EXOC4: variants seen among roughly 807,000 people sequenced by gnomAD.
EXOC4 encodes SEC8-like 1.
In EXOC4, 71 loss-of-function variants were observed where a neutral mutation model predicts 107.2. The ratio of observed to expected loss-of-function variants is 0.66; its 90% CI spans 0.55 to 0.81. EXOC4 has a LOEUF of 0.81. EXOC4 is among the 30% of genes least tolerant of loss of function. The probability of loss-of-function intolerance (pLI) is 0.00; values close to 1 mark genes in which losing one functional copy is unlikely to be tolerated. For missense variants in EXOC4, 1,108 were observed against 1,189.6 expected (o/e 0.93, Z 1.01); for synonymous variants, 456 against 441.2 (o/e 1.03, Z -0.42).
rs935262676 is a variant in EXOC4 at position 133,895,706 on chromosome 7, G to T, written c.1842G>T (p.Glu614Asp). The change falls in exon 12 of 18, where the codon GAG becomes GAT. Residue 614 changes from glutamate to aspartate, a missense_variant. Coordinates refer to ENST00000253861, the MANE Select transcript of EXOC4 (RefSeq NM_021807.4). ...ACATGGTGTGCGTGAAGCTCCAGGAGTACAAGGACACCTGCACTGCAGCTT... is the reference window on the plus strand; with the variant it reads ...ACATGGTGTGCGTGAAGCTCCAGGATTACAAGGACACCTGCACTGCAGCTT... ...FLNMVCVKLQ[E>D]YKDTCTAAYR... is the part of the protein sequence containing the mutation. The T allele has an allele frequency of 6.2e-7, 1 of 1,614,162 alleles. No homozygotes were observed. The highest frequency in any genetic ancestry group is 1.1e-5 in the South Asian group (1 of 91,084).
chr7:133,308,283 G>A (rs1794797681), intron 4 of EXOC4, among the ~76,000 whole-genome samples: 1 of 152,140 alleles, frequency 6.6e-6, no homozygotes, highest in Admixed American at 6.5e-5. Context: ...CCTAATCCCT[G>A]GTACCTCAGA....
intron 5 of EXOC4, among the ~76,000 whole-genome samples, chr7:133,335,090 G>A (rs991011440): frequency 2.6e-5 from 4 of 152,316 alleles, no homozygotes; most frequent in Non-Finnish European, 2.9e-5. Context: ...TAACATGCAC[G>A]TGCATTTTCA....
At chr7:133,844,410 A>C (rs1416169818) in intron 11 of EXOC4, among the ~76,000 whole-genome samples, 23 of 23,670 alleles carry the variant, frequency 9.7e-4, no homozygotes, top group East Asian at 1.5e-3. Flanking sequence ...TTTTTTTTTG[A>C]GATGGAGTCT....
At chr7:133,755,845 G>A (rs1795905848) in intron 10 of EXOC4, among the ~76,000 whole-genome samples, 1 of 152,080 alleles carries the variant, frequency 6.6e-6, no homozygotes, top group South Asian at 2.1e-4. Flanking sequence ...CTAGTGTCAA[G>A]GTGTAATCTT....
chr7:134,060,043 A>T (rs1796020743), intron 17 of EXOC4, among the ~76,000 whole-genome samples: 1 of 152,216 alleles, frequency 6.6e-6, no homozygotes, highest in Admixed American at 6.5e-5. Flanking sequence ...AAAGCCACAG[A>T]GAACAGTCTG....
chr7:133,784,317 A>G (rs1318844064), intron 10 of EXOC4, among the ~76,000 whole-genome samples: 1 of 152,130 alleles, frequency 6.6e-6, no homozygotes, highest in Non-Finnish European at 1.5e-5. Flanking sequence ...TAATCTGATC[A>G]CTCTAATTGA....
At chr7:134,041,069 C>T (rs988071694) in intron 17 of EXOC4, among the ~76,000 whole-genome samples, 1 of 152,218 alleles carries the variant, frequency 6.6e-6, no homozygotes, top group African/African-American at 2.4e-5. Context: ...ATAGCCTCCT[C>T]TCCCCATGAT....
intron 14 of EXOC4, among the ~76,000 whole-genome samples, chr7:133,982,427 T>C (rs1438185073): frequency 6.6e-6 from 1 of 151,948 alleles, no homozygotes; most frequent in African/African-American, 2.4e-5. Context: ...TGGCGGGTGC[T>C]TGTAGTCCCA....
At chr7:133,295,396 T>A (rs1794496878) in intron 3 of EXOC4, among the ~76,000 whole-genome samples, 1 of 152,162 alleles carries the variant, frequency 6.6e-6, no homozygotes, top group Non-Finnish European at 1.5e-5. Context: ...TTACTCGGCT[T>A]ACATTAAAAA....
At chr7:133,732,107 A>C (rs940587002) in intron 10 of EXOC4, among the ~76,000 whole-genome samples, 1 of 152,218 alleles carries the variant, frequency 6.6e-6, no homozygotes, top group African/African-American at 2.4e-5. Context: ...AATACTGTGC[A>C]GTCATAAAAA....
downstream of EXOC4, among the ~76,000 whole-genome samples, chr7:134,068,849 A>G (rs1796223979): frequency 6.6e-6 from 1 of 152,234 alleles, no homozygotes; most frequent in African/African-American, 2.4e-5. Flanking sequence ...CTTACTGTCA[A>G]GTCATATCCG....
chr7:133,842,448 C>G (rs1798042042), intron 11 of EXOC4, among the ~76,000 whole-genome samples: 2 of 152,128 alleles, frequency 1.3e-5, no homozygotes, highest in African/African-American at 4.8e-5. Flanking sequence ...TGTATGTGTA[C>G]TTTCAAAAAG....
chr7:134,041,668 A>G (rs1428583841), intron 17 of EXOC4, among the ~76,000 whole-genome samples: 1 of 152,230 alleles, frequency 6.6e-6, no homozygotes, highest in African/African-American at 2.4e-5. Flanking sequence ...TATAGAACTA[A>G]TTAAAGATTT....
intron 13 of EXOC4, among the ~76,000 whole-genome samples, chr7:133,923,067 A>G (rs1799974244): frequency 6.6e-6 from 1 of 151,022 alleles, no homozygotes; most frequent in Non-Finnish European, 1.5e-5. Context: ...TACAGTATGC[A>G]TATGTTGAGT....
the EXOC4 span, among the ~76,000 whole-genome samples, chr7:134,089,625 A>G: frequency 6.6e-6 from 1 of 151,952 alleles, no homozygotes; most frequent in South Asian, 2.1e-4. Context: ...AATCACCTTT[A>G]AATTATACAT....
intron 9 of EXOC4, among the ~76,000 whole-genome samples, chr7:133,526,265 C>T (rs1800076503): frequency 6.6e-6 from 1 of 152,116 alleles, no homozygotes; most frequent in South Asian, 2.1e-4. Flanking sequence ...TCAGAAATCC[C>T]TAGTCTTTTT....
At chr7:133,869,686 C>T (rs557600886) in intron 11 of EXOC4, among the ~76,000 whole-genome samples, 1 of 152,004 alleles carries the variant, frequency 6.6e-6, no homozygotes, top group African/African-American at 2.4e-5. Context: ...AGTAGAATCC[C>T]TTCTCTAAAC....
chr7:133,346,809 T>C (rs904588289), intron 5 of EXOC4, among the ~76,000 whole-genome samples: 9 of 152,234 alleles, frequency 5.9e-5, no homozygotes, highest in African/African-American at 2.2e-4. Context: ...TTTGTGTAAT[T>C]TGTGTATCAT....
In EXOC4 at chr7:133,948,248, C is replaced by G. The variant is rs547841664; in HGVS notation, c.2206+10179C>G. On this transcript the variant is annotated intron_variant, in intron 14 of 17. Coordinates refer to ENST00000253861, the MANE Select transcript of EXOC4 (RefSeq NM_021807.4). ...CCTTAGACACTTGGGTGCTTTAAAA[C>G]CTGGGATAAGCCCAGGAACCAGTGT... Among the ~76,000 whole-genome samples, 39 of 152,300 alleles carry G rather than the reference C, an allele frequency of 2.6e-4. No individual in the cohort carries two copies. The South Asian group carries it at 7.9e-3, about 31-fold the overall frequency.
Sources: gnomAD v4.1 joint callset for allele counts (sites outside exome capture counted in the v4.1 genomes callset) on GRCh38, gnomAD v4.1.1 for gene constraint, MANE v1.5 for transcripts, NCBI Gene and HGNC (gene_info 2026-07-23, HGNC 2026-07-21) for gene names.